Variants in GRID2 observed in about 807,000 individuals in gnomAD.
GRID2 encodes glutamate receptor ionotropic, delta-2.
In GRID2, 33 loss-of-function variants were observed where a neutral mutation model predicts 114.8. The observed-to-expected ratio is 0.29, with a 90% CI of 0.22 to 0.38. The LOEUF (loss-of-function observed/expected upper bound fraction) is 0.38, where lower values mean the gene tolerates loss of function less well. Among genes scored for constraint, GRID2 ranks in the 10% least tolerant of loss-of-function variants. GRID2 has a pLI of 1.00. For synonymous variants in GRID2, 505 were observed against 449.9 expected (o/e 1.12, Z -1.55); for missense variants, 1,184 against 1,257.7 (o/e 0.94, Z 0.89).
chr4:92,705,255 A>G (rs1734900854), intron 2 of GRID2, among the ~76,000 whole-genome samples: 1 of 152,204 alleles, frequency 6.6e-6, no homozygotes, highest in African/African-American at 2.4e-5. Flanking sequence ...AGCAGCTAAT[A>G]TAATCTATTT....
chr4:92,996,166 T>G (rs1755184572), intron 2 of GRID2, among the ~76,000 whole-genome samples: 3 of 151,980 alleles, frequency 2.0e-5, no homozygotes, highest in South Asian at 2.1e-4. Context: ...AGCAGGAGCC[T>G]ATAATCCCAG....
intron 10 of GRID2, among the ~76,000 whole-genome samples, chr4:93,443,595 G>T (rs914019109): frequency 6.6e-6 from 1 of 151,882 alleles, no homozygotes. Context: ...CTGAGTCTTA[G>T]ATTTGGCCTC....
intron 14 of GRID2, among the ~76,000 whole-genome samples, chr4:93,764,756 T>TGG (rs1553999050): frequency 6.6e-6 from 1 of 152,172 alleles, no homozygotes; most frequent in African/African-American, 2.4e-5. Flanking sequence ...AGTCTATACT[T>TGG]CAGCACTTCA....
intron 12 of GRID2, among the ~76,000 whole-genome samples, chr4:93,498,172 A>G (rs74845088): frequency 3.0e-4 from 46 of 151,970 alleles, no homozygotes; most frequent in Non-Finnish European, 5.9e-4. Context: ...ATTTCCTCAC[A>G]GTTCTGGATG....
chr4:92,835,162 T>TA (rs1435129512), intron 2 of GRID2, among the ~76,000 whole-genome samples: 1 of 138,826 alleles, frequency 7.2e-6, no homozygotes, highest in Admixed American at 7.3e-5. Flanking sequence ...TTGAGAATAA[T>TA]AAAAAATACA....
chr4:93,044,961 G>C (rs1283120317), intron 2 of GRID2, among the ~76,000 whole-genome samples: 1 of 152,118 alleles, frequency 6.6e-6, no homozygotes, highest in East Asian at 1.9e-4. Context: ...TGAAGATTGA[G>C]AGAAAATAGC....
chr4:92,626,040 A>T (rs1228820373), intron 2 of GRID2, among the ~76,000 whole-genome samples: 1 of 151,962 alleles, frequency 6.6e-6, no homozygotes, highest in African/African-American at 2.4e-5. Flanking sequence ...ACTTGCTACA[A>T]AATACCTAAA....
intron 3 of GRID2, among the ~76,000 whole-genome samples, chr4:93,101,318 G>T (rs1445479907): frequency 6.6e-6 from 1 of 151,894 alleles, no homozygotes; most frequent in Non-Finnish European, 1.5e-5. Context: ...ACAATCAATT[G>T]ATCTTAACTA....
At chr4:93,631,685 T>C (rs1720906598) in intron 14 of GRID2, among the ~76,000 whole-genome samples, 2 of 152,334 alleles carry the variant, frequency 1.3e-5, no homozygotes, top group South Asian at 2.1e-4. Context: ...TACGTGTGCA[T>C]GTGTCTTTAT....
In GRID2 at chr4:92,515,620, C is replaced by T. The variant is rs534395684; in HGVS notation, c.89-74511C>T. 7.6e-4 allele frequency among the ~76,000 whole-genome samples: 115 copies of T among 151,820 alleles called. 2 individuals carry two copies. Among genetic ancestry groups the T allele is most frequent in the African/African-American group, 2.5e-3 (105 of 41,458 alleles). On this transcript the variant is annotated intron_variant, in intron 1 of 15. Coordinates refer to ENST00000282020, the MANE Select transcript of GRID2 (RefSeq NM_001510.4). The stretch of plus-strand genomic sequence containing the variant: ...AGTTCAGAGGCCATCAGATAACTTT[C>T]GAAAGTTTTATATTTGTTCTGGATA...
intron 2 of GRID2, among the ~76,000 whole-genome samples, chr4:92,681,095 A>G (rs769390889): frequency 6.6e-6 from 1 of 152,196 alleles, no homozygotes; most frequent in Non-Finnish European, 1.5e-5. Flanking sequence ...TTTAAAAAGA[A>G]TTTCAAATAA....
At chr4:93,411,672 T>C (rs1003852412) in intron 9 of GRID2, among the ~76,000 whole-genome samples, 19 of 152,088 alleles carry the variant, frequency 1.2e-4, no homozygotes, top group African/African-American at 4.6e-4. Context: ...GACCTCGTGA[T>C]CTGCCTGCCT....
chr4:92,406,225 C>G (rs1383815977), intron 1 of GRID2, among the ~76,000 whole-genome samples: 1 of 152,118 alleles, frequency 6.6e-6, no homozygotes, highest in Admixed American at 6.6e-5. Flanking sequence ...TTCTCCAATC[C>G]AATCAAGTTG....
chr4:92,385,877 TG>T lies in GRID2; in HGVS notation c.88+81134del, dbSNP rs1158681767. 5.4e-4 allele frequency among the ~76,000 whole-genome samples: 73 copies of T among 134,600 alleles called. 1 individual carries two copies. In the South Asian group the frequency reaches 0.017, roughly 31 times the overall value. The allele number at this position is 134,600 out of a possible 152,430, so 88.3% of individuals were successfully genotyped here. The stretch of plus-strand genomic sequence containing the variant: ...TGTGAAGAAATATATATAATATACG[TG>T]TGTGTGTGTGTGTGTGTGTGTGTAT... On this transcript the variant is annotated intron_variant, in intron 1 of 15. Coordinates refer to ENST00000282020, the MANE Select transcript of GRID2 (RefSeq NM_001510.4).
intron 7 of GRID2, among the ~76,000 whole-genome samples, chr4:93,237,861 T>G (rs912236053): frequency 1.3e-5 from 2 of 151,896 alleles, no homozygotes; most frequent in African/African-American, 4.8e-5. Flanking sequence ...GAAAATATAT[T>G]TAAAGAAGGG....
chr4:93,263,839 G>A (rs1291532910), intron 8 of GRID2, among the ~76,000 whole-genome samples: 3 of 152,096 alleles, frequency 2.0e-5, no homozygotes, highest in Admixed American at 2.0e-4. Context: ...GCTACTACTG[G>A]TCAGTGGCAA....
chr4:92,858,543 A>T (rs1384577586), intron 2 of GRID2, among the ~76,000 whole-genome samples: 1 of 152,042 alleles, frequency 6.6e-6, no homozygotes, highest in Non-Finnish European at 1.5e-5. Context: ...ATTTTAATGA[A>T]TGAGGAGTTT....
chr4:93,153,558 T>C (rs569635429), intron 4 of GRID2, among the ~76,000 whole-genome samples: 10 of 152,066 alleles, frequency 6.6e-5, no homozygotes, highest in Non-Finnish European at 1.3e-4. Context: ...AGCTGAGTTC[T>C]AGCCGATGTG....
rs1052901372 is a variant in GRID2 at position 93,515,380 on chromosome 4, A to G, written c.2162A>G (p.Asn721Ser). Residue 721 changes from asparagine (N) to serine (S), a missense_variant, in exon 13 of 16, where the codon AAT becomes AGT. Transcript: ENST00000282020. Reference sequence around the variant, plus strand: ...AACCGAAGCAATGGATCGGAGAACAATGTTCTGGAGTCCCAGGCAGGCATT... The same window carrying G: ...AACCGAAGCAATGGATCGGAGAACAGTGTTCTGGAGTCCCAGGCAGGCATT... The part of the protein sequence containing the change: ...MINRSNGSEN[N>S]VLESQAGIQK... 8 of 1,612,592 alleles carry G rather than the reference A, an allele frequency of 5.0e-6. No individual in the cohort carries two copies. Among genetic ancestry groups the G allele is most frequent in the Non-Finnish European group, 6.8e-6 (8 of 1,178,956 alleles).
Sources: allele counts gnomAD v4.1 joint callset (sites outside exome capture counted in the v4.1 genomes callset), GRCh38; gene constraint gnomAD v4.1.1; transcripts MANE v1.5; gene names NCBI Gene and HGNC (gene_info 2026-07-23, HGNC 2026-07-21).